Variants in CA12 observed in about 807,000 individuals in gnomAD.
The protein encoded by CA12 is carbonic anhydrase 12.
In CA12, 36 loss-of-function variants were observed where a neutral mutation model predicts 46.8. The observed-to-expected ratio is 0.77, with a 90% CI of 0.59 to 1.02. The LOEUF (loss-of-function observed/expected upper bound fraction) is 1.02, where lower values mean the gene tolerates loss of function less well. Ranked by LOEUF, CA12 falls within the 50% of genes least tolerant of loss-of-function variation. The pLI, the probability that CA12 is intolerant of heterozygous loss-of-function variation, is 0.00. For missense variants in CA12, 436 were observed against 451.4 expected (o/e 0.97, Z 0.31); for synonymous variants, 202 against 187.0 (o/e 1.08, Z -0.65).
intron 8 of CA12, among the ~76,000 whole-genome samples, chr15:63,333,129 T>C (rs560411122): frequency 6.6e-6 from 1 of 152,158 alleles, no homozygotes; most frequent in African/African-American, 2.4e-5. Context: ...ATTTTCCAGA[T>C]GGAGGAGGGA....
Position 63,330,468 on chromosome 15 carries a change from G to A in CA12, c.875-2338C>T, listed in dbSNP as rs1377475714. ...TGCTTGTGGTGCCAAACCAGTTCTC[G>A]CCACCTGAAGACTATTACTAGGAAG... On this transcript the variant is annotated intron_variant, in intron 8 of 10. Coordinates refer to ENST00000178638, the MANE Select transcript of CA12 (RefSeq NM_001218.5). The surrounding 1 kb of genome is among the most constrained non-coding windows in gnomAD (Gnocchi z 4.0). Among the ~76,000 whole-genome samples, 2 of 152,160 alleles carry A rather than the reference G, an allele frequency of 1.3e-5. No homozygotes were observed. Among genetic ancestry groups the A allele is most frequent in the African/African-American group, 2.4e-5 (1 of 41,436 alleles).
chr15:63,326,319 G>A lies in CA12; in HGVS notation c.1031C>T (p.Pro344Leu). 1 of 1,614,098 alleles carries A rather than the reference G, an allele frequency of 6.2e-7. No individual in the cohort carries two copies. Among genetic ancestry groups the A allele is most frequent in the Middle Eastern group, 1.7e-4 (1 of 6,060 alleles). The change falls in exon 11 of 11, where the codon CCA becomes CTA. Residue 344 changes from proline (P) to leucine (L), a missense_variant. By Grantham distance (98) the Pro-to-Leu change is moderately conservative. Coordinates refer to ENST00000178638, the MANE Select transcript of CA12 (RefSeq NM_001218.5). Reference sequence around the variant, plus strand: ...GGCCTCAGTCTCCATCTTGGTGGCTGGCTTGTAAATGACTCCCTTGTTATC... The same window carrying A: ...GGCCTCAGTCTCCATCTTGGTGGCTAGCTTGTAAATGACTCCCTTGTTATC... ...KGDNKGVIYK[P>L]ATKMETEAHA
rs559878953 is a variant in CA12 at position 63,378,249 on chromosome 15, G to A, written c.86-2571C>T. Among the ~76,000 whole-genome samples, 3 of 152,266 alleles carry A rather than the reference G, an allele frequency of 2.0e-5. No homozygotes were observed. Among genetic ancestry groups the A allele is most frequent in the East Asian group, 3.9e-4 (2 of 5,174 alleles). On this transcript the variant is annotated intron_variant, in intron 1 of 10. Transcript: ENST00000178638. This position sits in a 1 kb window ranked among gnomAD's most constrained non-coding sequence, Gnocchi z 4.8. ...CTAAAAATACAAAAATTAGGCAGGC[G>A]TGGTGGCGGGTGCCTGTAATCCCAG... is the stretch of plus-strand genomic sequence containing the variant.
rs375327149 is a variant in CA12 at position 63,340,821 on chromosome 15, C to T, written c.526-38G>A. 1.3e-6 allele frequency: 2 copies of T among 1,582,948 alleles called. No individual in the cohort carries two copies. The highest frequency in any genetic ancestry group is 2.2e-5 in the South Asian group (2 of 90,474). On this transcript the variant is annotated intron_variant, in intron 5 of 10. Transcript: ENST00000178638. This position sits in a 1 kb window ranked among gnomAD's most constrained non-coding sequence, Gnocchi z 4.4. ...CAGGGCAGGTTAAACTGGGACAGAA[C>T]AGGATAGGCTGAGCCAGGATTGACG...
chr15:63,324,159 T>C lies in CA12; in HGVS notation c.*2126A>G, dbSNP rs2038834670. ...AGTGTTGGTTCTTGGAGCATCTTTC[T>C]GCCTCCCGGGCTTTGTCTGGTCTCA... On this transcript the variant is annotated 3_prime_UTR_variant, in exon 11 of 11. Transcript: ENST00000178638. 6.6e-6 allele frequency: 1 copy of C among 152,252 alleles called. No individual in the cohort carries two copies. Among genetic ancestry groups the C allele is most frequent in the African/African-American group, 2.4e-5 (1 of 41,456 alleles). The allele number at this position is 152,252 out of a possible 1,614,324, so 9.4% of individuals were successfully genotyped here.
chr15:63,350,087 G>A (rs1357410883), intron 2 of CA12, among the ~76,000 whole-genome samples: 1 of 152,174 alleles, frequency 6.6e-6, no homozygotes, highest in Non-Finnish European at 1.5e-5. Flanking sequence ...CTGGGAGACG[G>A]CCTGCCAAGG....
intron 2 of CA12, among the ~76,000 whole-genome samples, chr15:63,347,215 G>C (rs1013326348): frequency 6.6e-6 from 1 of 152,130 alleles, no homozygotes; most frequent in African/African-American, 2.4e-5. Context: ...GTATTATCTT[G>C]GTGCAAAAAT....
At chr15:63,367,079 C>T (rs562882953) in intron 2 of CA12, among the ~76,000 whole-genome samples, 1 of 151,942 alleles carries the variant, frequency 6.6e-6, no homozygotes, top group East Asian at 1.9e-4. Context: ...TGCCACAATG[C>T]CTGGCTAATT....
Position 63,355,280 on chromosome 15 carries a change from C to A in CA12, c.107-8571G>T, listed in dbSNP as rs1443812191. Among the ~76,000 whole-genome samples, 1 of 152,228 alleles carries A rather than the reference C, an allele frequency of 6.6e-6. No individual in the cohort carries two copies. The highest frequency in any genetic ancestry group is 1.5e-5 in the Non-Finnish European group (1 of 68,044). On this transcript the variant is annotated intron_variant, in intron 2 of 10. Transcript: ENST00000178638. This position sits in a 1 kb window ranked among gnomAD's most constrained non-coding sequence, Gnocchi z 4.1. ...GCTGGGGCAGGGCAAAGGGTTTCCC[C>A]CTCTTCTGTGCTCCTATACAGCCTT... is the stretch of plus-strand genomic sequence containing the variant.
chr15:63,340,804 G>A lies in CA12; in HGVS notation c.526-21C>T, dbSNP rs753144843. The A allele has an allele frequency of 1.9e-6, 3 of 1,610,692 alleles. No individual in the cohort carries two copies. The highest frequency in any genetic ancestry group is 2.5e-6 in the Non-Finnish European group (3 of 1,176,820). On this transcript the variant is annotated intron_variant, in intron 5 of 10. Coordinates refer to ENST00000178638, the MANE Select transcript of CA12 (RefSeq NM_001218.5). This position sits in a 1 kb window ranked among gnomAD's most constrained non-coding sequence, Gnocchi z 4.4. ...CCCATCTGCAACAGAGACAGGGCAG[G>A]TTAAACTGGGACAGAACAGGATAGG...
At chr15:63,361,406 G>A (rs1191921749) in intron 2 of CA12, among the ~76,000 whole-genome samples, 1 of 152,158 alleles carries the variant, frequency 6.6e-6, no homozygotes, top group African/African-American at 2.4e-5. Context: ...CAACTGGGGC[G>A]ATTTTGCCCT....
chr15:63,326,722 A>G (rs2038871962), intron 10 of CA12, among the ~76,000 whole-genome samples: 1 of 152,174 alleles, frequency 6.6e-6, no homozygotes, highest in Non-Finnish European at 1.5e-5. Flanking sequence ...TGTCACAATA[A>G]AAACATGGAC....
intron 2 of CA12, among the ~76,000 whole-genome samples, chr15:63,358,839 C>G (rs1168733696): frequency 2.0e-5 from 3 of 152,158 alleles, no homozygotes; most frequent in Admixed American, 2.0e-4. Context: ...TTCAGACCTC[C>G]CTGCTCTTCC....
At chr15:63,366,654 T>C (rs1325134639) in intron 2 of CA12, among the ~76,000 whole-genome samples, 1 of 152,244 alleles carries the variant, frequency 6.6e-6, no homozygotes, top group Non-Finnish European at 1.5e-5. Context: ...TTGAAAACTT[T>C]GGTTGGTTTT....
intron 4 of CA12, among the ~76,000 whole-genome samples, chr15:63,344,145 A>T (rs934793727): frequency 6.6e-6 from 1 of 152,204 alleles, no homozygotes; most frequent in South Asian, 2.1e-4. Flanking sequence ...AAGAATGCAG[A>T]TTCGCTGAGC....
chr15:63,370,767 C>T (rs1487545429), intron 2 of CA12, among the ~76,000 whole-genome samples: 1 of 147,146 alleles, frequency 6.8e-6, no homozygotes, highest in Non-Finnish European at 1.5e-5. Context: ...AGCGAGACTC[C>T]ATCTCAAAAA....
intron 2 of CA12, among the ~76,000 whole-genome samples, chr15:63,362,394 C>G (rs566472427): frequency 6.6e-6 from 1 of 152,212 alleles, no homozygotes; most frequent in Non-Finnish European, 1.5e-5. Context: ...TGAACCATGA[C>G]AGTTCACATC....
At chr15:63,376,384 T>A (rs1223701838) in intron 1 of CA12, among the ~76,000 whole-genome samples, 1 of 152,094 alleles carries the variant, frequency 6.6e-6, no homozygotes, top group African/African-American at 2.4e-5. Flanking sequence ...GACAAGGAGG[T>A]TAGCTGATGA....
At chr15:63,326,779 ATCTT>A (rs969694674) in intron 10 of CA12, among the ~76,000 whole-genome samples, 1 of 152,198 alleles carries the variant, frequency 6.6e-6, no homozygotes, top group Non-Finnish European at 1.5e-5. Flanking sequence ...GTTTTCCTTC[ATCTT>A]TCTTTTTGAA....
Sources: allele counts gnomAD v4.1 joint callset (sites outside exome capture counted in the v4.1 genomes callset), GRCh38; gene constraint gnomAD v4.1.1; non-coding constraint Gnocchi (gnomAD v3.1); transcripts MANE v1.5; gene names NCBI Gene and HGNC (gene_info 2026-07-23, HGNC 2026-07-21).